Variants in DYRK4 observed in about 807,000 individuals in gnomAD.
The protein encoded by DYRK4 is dual specificity tyrosine phosphorylation regulated kinase 4.
In DYRK4, 64 loss-of-function variants were observed where a neutral mutation model predicts 68.3. The observed-to-expected ratio is 0.94, with a 90% CI of 0.77 to 1.15. The LOEUF (loss-of-function observed/expected upper bound fraction) is 1.15. DYRK4 is among the 50% of genes most tolerant of loss of function. The probability of loss-of-function intolerance (pLI) is 0.00; values close to 1 mark genes in which losing one functional copy is unlikely to be tolerated. For missense variants in DYRK4, 740 were observed against 764.7 expected, an observed-to-expected ratio of 0.97 and a Z score of 0.38; for synonymous variants, 274 against 289.9, an observed-to-expected ratio of 0.95 and a Z score of 0.56.
rs1286301230 is a variant in DYRK4, at chr12:4,613,134, C to T, written c.1667-381C>T. 6.6e-6 allele frequency among the ~76,000 whole-genome samples: 1 copy of T among 152,160 alleles called. No individual in the cohort carries two copies. Among genetic ancestry groups the T allele is most frequent in the Non-Finnish European group, 1.5e-5 (1 of 68,038 alleles). On this transcript the variant is annotated intron_variant, in intron 14 of 14. Transcript: ENST00000543431. This position sits in a 1 kb window ranked among gnomAD's most constrained non-coding sequence, Gnocchi z 4.0. ...ATTACCTTTAGAATTTCTGTCAGTG[C>T]CAGATTATGGCATTATGCAAATTTT...
chr12:4,598,497 T>C (rs1945043763), intron 8 of DYRK4, among the ~76,000 whole-genome samples: 1 of 152,268 alleles, frequency 6.6e-6, no homozygotes, highest in Admixed American at 6.5e-5. Context: ...TTTAAGATTC[T>C]CTGGCAAAAG....
In DYRK4 at chr12:4,613,703, A is replaced by T; in HGVS notation, c.1855A>T (p.Ser619Cys). The T allele has an allele frequency of 6.3e-7, 1 of 1,584,488 alleles. No individual in the cohort carries two copies. Among genetic ancestry groups the T allele is most frequent in the Non-Finnish European group, 8.6e-7 (1 of 1,158,152 alleles). Residue 619 changes from serine to cysteine, a missense_variant, in exon 15 of 15, where the codon AGC becomes TGC. Transcript: ENST00000543431. The surrounding 1 kb of genome is among the most constrained non-coding windows in gnomAD (Gnocchi z 4.0). ...AEVSMTSPGQ[S>C]KNFSLKNTNV... is the part of the protein sequence containing the mutation. ...GGTGTCCATGACCTCCCCAGGACAG[A>T]GCAAAAACTTCTCCCTCAAGAACAC...
intron 3 of DYRK4, 104 bp downstream of exon 3, chr12:4,589,121 T>A: frequency 1.0e-6 from 1 of 1,003,716 alleles, no homozygotes; most frequent in Non-Finnish European, 1.5e-6. Flanking sequence ...TCATAAAATG[T>A]ATCATAACAT....
At chr12:4,563,549 G>A (rs904177327) in intron 1 of DYRK4, among the ~76,000 whole-genome samples, 2 of 152,274 alleles carry the variant, frequency 1.3e-5, no homozygotes, top group East Asian at 1.9e-4. Flanking sequence ...GAATATGGTC[G>A]TGCTGCCTGA....
At chr12:4,578,026 T>A (rs1480860846) in intron 2 of DYRK4, among the ~76,000 whole-genome samples, 1 of 152,190 alleles carries the variant, frequency 6.6e-6, no homozygotes, top group Non-Finnish European at 1.5e-5. Context: ...TTTTACTTTC[T>A]TTATGTTGTT....
intron 2 of DYRK4, among the ~76,000 whole-genome samples, chr12:4,571,468 G>C (rs1452961120): frequency 6.6e-6 from 1 of 152,190 alleles, no homozygotes; most frequent in Non-Finnish European, 1.5e-5. Flanking sequence ...CCCTTGGCAT[G>C]TATCCTACTG....
rs373008691 is a variant in DYRK4 at position 4,613,617 on chromosome 12, C to T, written c.1769C>T (p.Thr590Ile). The T allele has an allele frequency of 1.2e-6, 2 of 1,614,020 alleles. No homozygotes were observed. The highest frequency in any genetic ancestry group is 2.7e-5 in the African/African-American group (2 of 74,932). Reference protein sequence around the residue: ...QQDCLQHGADTVQLPQLVDAP... With the variant: ...QQDCLQHGADIVQLPQLVDAP... ...GACTGTCTCCAGCACGGAGCTGACA[C>T]TGTTCAGCTGCCTCAACTGGTAGAC... The change falls in exon 15 of 15, where the codon ACT (threonine) becomes ATT (isoleucine). Residue 590 changes from threonine to isoleucine, a missense_variant. Thr to Ile is a moderately conservative substitution (Grantham distance 89). This residue lies in a region of DYRK4 where 614 missense variants were observed against 603.7 expected (regional missense o/e 1.02). Coordinates refer to ENST00000543431, the MANE Select transcript of DYRK4 (RefSeq NM_001394779.1). This position sits in a 1 kb window ranked among gnomAD's most constrained non-coding sequence, Gnocchi z 4.0.
At chr12:4,574,224 TAAAAA>T (rs58588899) in intron 2 of DYRK4, among the ~76,000 whole-genome samples, 3 of 121,280 alleles carry the variant, frequency 2.5e-5, no homozygotes, top group African/African-American at 6.4e-5. Context: ...GACTCCATCT[TAAAAA>T]AAAAAAAAAA....
At position 4,591,050 on chromosome 12, in the gene DYRK4, G is replaced by T. The variant is rs1944948483; in HGVS notation, c.325-110G>T. On this transcript the variant is annotated intron_variant, in intron 4 of 14. Transcript: ENST00000543431. This position sits in a 1 kb window ranked among gnomAD's most constrained non-coding sequence, Gnocchi z 4.1. ...TTAATCGCTGTTTTCTCCCTGGAGA[G>T]GTAGGTAAAGAGCCTGGCTGAAGGT... is the stretch of plus-strand genomic sequence containing the variant. 1.5e-6 allele frequency: 2 copies of T among 1,292,374 alleles called. No individual in the cohort carries two copies. The highest frequency in any genetic ancestry group is 2.1e-6 in the Non-Finnish European group (2 of 938,312). The allele number at this position is 1,292,374 out of a possible 1,614,324, so 80.1% of individuals were successfully genotyped here. A position where few individuals can be genotyped will look rare whatever the true frequency, so the allele number is the denominator to read the frequency against.
At position 4,591,069 on chromosome 12, in the gene DYRK4, T is replaced by C; in HGVS notation, c.325-91T>C. On this transcript the variant is annotated intron_variant, in intron 4 of 14. Transcript: ENST00000543431. This position sits in a 1 kb window ranked among gnomAD's most constrained non-coding sequence, Gnocchi z 4.1. ...TGGAGAGGTAGGTAAAGAGCCTGGC[T>C]GAAGGTGGGTGTCTTTGGTTAAATA... 6.8e-7 allele frequency: 1 copy of C among 1,479,978 alleles called. No individual in the cohort carries two copies. Among genetic ancestry groups the C allele is most frequent in the Non-Finnish European group, 9.1e-7 (1 of 1,096,438 alleles). The allele number at this position is 1,479,978 out of a possible 1,614,324, so 91.7% of individuals were successfully genotyped here.
Position 4,599,087 on chromosome 12 carries a change from T to G in DYRK4, c.965T>G (p.Val322Gly). 1 of 1,614,144 alleles carries G rather than the reference T, an allele frequency of 6.2e-7. No homozygotes were observed. Among genetic ancestry groups the G allele is most frequent in the Non-Finnish European group, 8.5e-7 (1 of 1,180,004 alleles). Residue 322 changes from valine (V) to glycine (G), a missense_variant, in exon 9 of 15, where the codon GTT becomes GGT. Val to Gly is a moderately radical substitution (Grantham distance 109). Around this residue, in one of 3 missense-constraint regions of DYRK4, gnomAD observed 614 missense variants for 603.7 expected, o/e 1.02. Transcript: ENST00000543431. Reference protein sequence around the residue: ...NNFQGFSLSIVRRFTLSVLKC... With the variant: ...NNFQGFSLSIGRRFTLSVLKC... ...TTTCAAGGCTTCAGTCTGTCCATAG[T>G]TCGGCGCTTCACTCTCTCTGTTTTG... is the stretch of plus-strand genomic sequence containing the variant.
intron 3 of DYRK4, 192 bp from the exon 4 acceptor site, chr12:4,590,138 C>G (rs1221169869): frequency 1.5e-6 from 2 of 1,344,866 alleles, no homozygotes; most frequent in Non-Finnish European, 1.9e-6. Context: ...AAACCCAGAG[C>G]CCATGTGTTT....
At position 4,613,671 on chromosome 12, in the gene DYRK4, G is replaced by GGGC. The variant is rs757114746; in HGVS notation, c.1826_1828dup (p.Ala609dup). ...CCCAAGAAGTCAGAGGCAGCTGTCG[G>GGGC]GGCGGAGGTGTCCATGACCTCCCCA... On this transcript the variant is annotated inframe_insertion, in exon 15 of 15. Transcript: ENST00000543431. The surrounding 1 kb of genome is among the most constrained non-coding windows in gnomAD (Gnocchi z 4.0). 2.9e-5 allele frequency: 46 copies of GGGC among 1,613,076 alleles called. No individual in the cohort carries two copies. The Admixed American group carries it at 6.3e-4, about 22-fold the overall frequency.
At chr12:4,612,096 C>A (rs1565544634) in intron 13 of DYRK4, among the ~76,000 whole-genome samples, 1 of 152,148 alleles carries the variant, frequency 6.6e-6, no homozygotes, top group Non-Finnish European at 1.5e-5. Context: ...TACTGTATTA[C>A]AAGTTTGATT....
At chr12:4,599,426 C>T (rs1050780796) in intron 9 of DYRK4, among the ~76,000 whole-genome samples, 5 of 152,094 alleles carry the variant, frequency 3.3e-5, no homozygotes, top group Non-Finnish European at 7.4e-5. Context: ...AAAACAAAGT[C>T]ACTATCTTCA....
chr12:4,585,683 T>C (rs887767130), intron 2 of DYRK4, among the ~76,000 whole-genome samples: 2 of 152,126 alleles, frequency 1.3e-5, no homozygotes, highest in Non-Finnish European at 2.9e-5. Context: ...ATGTAAATGA[T>C]GAGTTAATGG....
rs369127483 is a variant in DYRK4, at chr12:4,613,652, A to G, written c.1804A>G (p.Lys602Glu). 16 of 1,613,658 alleles carry G rather than the reference A, an allele frequency of 9.9e-6. No individual in the cohort carries two copies. The highest frequency in any genetic ancestry group is 1.4e-5 in the Non-Finnish European group (16 of 1,179,688). ...GCCTCAACTGGTAGACGCTCCCAAGAAGTCAGAGGCAGCTGTCGGGGCGGA... is the reference window on the plus strand; with the variant it reads ...GCCTCAACTGGTAGACGCTCCCAAGGAGTCAGAGGCAGCTGTCGGGGCGGA... ...QLPQLVDAPKKSEAAVGAEVS... is the reference protein window; with the variant it reads ...QLPQLVDAPKESEAAVGAEVS... Residue 602 changes from lysine (K) to glutamate (E), a missense_variant, in exon 15 of 15, where the codon AAG becomes GAG. Lys to Glu is a moderately conservative substitution (Grantham distance 56, BLOSUM62 1). This residue lies in a region of DYRK4 where 614 missense variants were observed against 603.7 expected (regional missense o/e 1.02). Coordinates refer to ENST00000543431, the MANE Select transcript of DYRK4 (RefSeq NM_001394779.1). The surrounding 1 kb of genome is among the most constrained non-coding windows in gnomAD (Gnocchi z 4.0).
At chr12:4,572,609 A>T (rs1451121104) in intron 2 of DYRK4, among the ~76,000 whole-genome samples, 4 of 152,140 alleles carry the variant, frequency 2.6e-5, no homozygotes, top group Non-Finnish European at 4.4e-5. Context: ...GACATGTTTT[A>T]AAAAGTTCTT....
At chr12:4,592,488 C>T (rs1237532602) in intron 5 of DYRK4, 3 of 152,254 alleles carry the variant, frequency 2.0e-5, no homozygotes, top group Admixed American at 6.5e-5. Context: ...TAGGGAAGTC[C>T]TAACTCATAA....
Sources: allele counts gnomAD v4.1 joint callset (sites outside exome capture counted in the v4.1 genomes callset), GRCh38; gene constraint gnomAD v4.1.1; regional missense constraint gnomAD v4.1.1; non-coding constraint Gnocchi (gnomAD v3.1); transcripts MANE v1.5; gene names NCBI Gene and HGNC (gene_info 2026-07-23, HGNC 2026-07-21).